ARHGAP40: variants seen among roughly 807,000 people sequenced by gnomAD.
ARHGAP40 encodes Rho GTPase activating protein 40.
ARHGAP40 carries 43 observed loss-of-function variants against 73.5 expected under a neutral mutation model. That is an observed-to-expected ratio of 0.58 (90% CI 0.46 to 0.75). ARHGAP40 has a LOEUF of 0.75. Among genes scored for constraint, ARHGAP40 ranks in the 30% least tolerant of loss-of-function variants. ARHGAP40 has a pLI of 0.00. For missense variants in ARHGAP40, 734 were observed against 861.8 expected, an observed-to-expected ratio of 0.85 and a Z score of 1.86; for synonymous variants, 300 against 352.8, an observed-to-expected ratio of 0.85 and a Z score of 1.68.
rs565841419 is a variant in ARHGAP40 at position 38,629,782 on chromosome 20, G to C, written c.783+132G>C. 1.3e-5 allele frequency: 13 copies of C among 1,031,034 alleles called. No homozygotes were observed. The African/African-American group carries it at 2.0e-4, about 16-fold the overall frequency. 63.9% of individuals were successfully genotyped at this position (1,031,034 alleles called of 1,614,324 possible). ...GTTAATTCATTCATTCATTTAATTC[G>C]TACCACAAATATTTACTGAGTGACC... is the stretch of plus-strand genomic sequence containing the variant. On this transcript the variant is annotated intron_variant, in intron 5 of 14. Coordinates refer to ENST00000373345, the Ensembl canonical transcript of ARHGAP40.
At chr20:38,607,883 G>A (rs775994464) in intron 1 of ARHGAP40, among the ~76,000 whole-genome samples, 1 of 152,136 alleles carries the variant, frequency 6.6e-6, no homozygotes, top group African/African-American at 2.4e-5. Context: ...TTTATCTCCT[G>A]TGACTTGTGG....
chr20:38,606,286 C>T (rs1270956394), intron 1 of ARHGAP40, among the ~76,000 whole-genome samples: 1 of 152,196 alleles, frequency 6.6e-6, no homozygotes, highest in Non-Finnish European at 1.5e-5. Flanking sequence ...CTATTATAAA[C>T]TATACTGCAA....
chr20:38,644,168 C>T (rs547608100), intron 11 of ARHGAP40, among the ~76,000 whole-genome samples: 9 of 152,242 alleles, frequency 5.9e-5, no homozygotes, highest in Middle Eastern at 3.4e-3. Context: ...AGGAGTTCCC[C>T]CAACTCCTGC....
intron 13 of ARHGAP40, among the ~76,000 whole-genome samples, chr20:38,647,777 AC>A (rs1374080569): frequency 6.6e-6 from 1 of 152,226 alleles, no homozygotes; most frequent in Non-Finnish European, 1.5e-5. Context: ...CCTGAGGAAG[AC>A]CTGGATATAA....
At chr20:38,607,160 G>C (rs1251966827) in intron 1 of ARHGAP40, among the ~76,000 whole-genome samples, 1 of 152,186 alleles carries the variant, frequency 6.6e-6, no homozygotes, top group Non-Finnish European at 1.5e-5. Flanking sequence ...AATAGCACAG[G>C]CTTGTTTTCA....
chr20:38,604,302 T>C (rs2088758066), intron 1 of ARHGAP40, among the ~76,000 whole-genome samples: 1 of 152,114 alleles, frequency 6.6e-6, no homozygotes, highest in South Asian at 2.1e-4. Flanking sequence ...AATGAACAGA[T>C]GAAAAATACT....
At chr20:38,624,273 T>C (rs576135026) in intron 2 of ARHGAP40, among the ~76,000 whole-genome samples, 2 of 152,256 alleles carry the variant, frequency 1.3e-5, no homozygotes, top group South Asian at 2.1e-4. Context: ...ACATGTGGCC[T>C]GGGCTTCCTC....
chr20:38,606,082 A>G (rs2088769273), intron 1 of ARHGAP40, among the ~76,000 whole-genome samples: 1 of 152,040 alleles, frequency 6.6e-6, no homozygotes, highest in African/African-American at 2.4e-5. Context: ...GCTTGTCTCA[A>G]ACTCCTGGAC....
At chr20:38,618,551 G>T (rs909145893) in intron 1 of ARHGAP40, among the ~76,000 whole-genome samples, 1 of 152,194 alleles carries the variant, frequency 6.6e-6, no homozygotes, top group Non-Finnish European at 1.5e-5. Context: ...GCTCCATGAT[G>T]TCTGGGGTAT....
chr20:38,626,900 C>T, intron 2 of ARHGAP40, 95 bp from the exon 3 acceptor site: 2 of 971,450 alleles, frequency 2.1e-6, no homozygotes, highest in Non-Finnish European at 1.4e-6. Flanking sequence ...CTCCTGTGTC[C>T]AGGTGAGTGT....
intron 9 of ARHGAP40, among the ~76,000 whole-genome samples, chr20:38,639,833 T>C (rs1409351592): frequency 6.6e-6 from 1 of 152,272 alleles, no homozygotes; most frequent in Non-Finnish European, 1.5e-5. Flanking sequence ...ATAGTCTGCA[T>C]ATATATGTTC....
At chr20:38,614,146 C>T (rs1421020962) in intron 1 of ARHGAP40, among the ~76,000 whole-genome samples, 1 of 152,080 alleles carries the variant, frequency 6.6e-6, no homozygotes, top group Admixed American at 6.6e-5. Flanking sequence ...CAGAGGGGCA[C>T]CATTTACGTA....
exon 1 of ARHGAP40, chr20:38,601,882 G>C: frequency 1.6e-6 from 2 of 1,284,956 alleles, no homozygotes; most frequent in Non-Finnish European, 2.0e-6. Context: ...TCACATTGCC[G>C]ATCGAGTCAG....
At chr20:38,647,461 G>A (rs989093590) in intron 13 of ARHGAP40, among the ~76,000 whole-genome samples, 4 of 152,138 alleles carry the variant, frequency 2.6e-5, no homozygotes, top group Non-Finnish European at 5.9e-5. Context: ...CTCGATCTTG[G>A]CTCACTGCAA....
exon 10 of ARHGAP40, chr20:38,641,736 C>T: frequency 7.7e-7 from 1 of 1,296,190 alleles, no homozygotes; most frequent in Non-Finnish European, 1.0e-6. Context: ...ACATCCCCAA[C>T]CTGAAGCAGC....
At chr20:38,604,540 C>G (rs143169090) in intron 1 of ARHGAP40, among the ~76,000 whole-genome samples, 1 of 151,900 alleles carries the variant, frequency 6.6e-6, no homozygotes, top group East Asian at 1.9e-4. Context: ...GGATTACAGG[C>G]GTGCGCCACC....
chr20:38,607,238 TC>T (rs1426812203), intron 1 of ARHGAP40, among the ~76,000 whole-genome samples: 8 of 152,174 alleles, frequency 5.3e-5, no homozygotes, highest in Non-Finnish European at 1.2e-4. Flanking sequence ...GAGTCCTAAA[TC>T]CTCCACTCAT....
intron 1 of ARHGAP40, among the ~76,000 whole-genome samples, chr20:38,622,663 A>C (rs1485224960): frequency 6.6e-6 from 1 of 152,094 alleles, no homozygotes; most frequent in East Asian, 1.9e-4. Flanking sequence ...GGACCTGGAA[A>C]ATCAAGCTTA....
rs141546552 is a variant in ARHGAP40, at chr20:38,639,941, G to A, written c.1279+555G>A. 1.1e-4 allele frequency among the ~76,000 whole-genome samples: 17 copies of A among 152,256 alleles called. No homozygotes were observed. In the East Asian group the frequency reaches 1.4e-3, roughly 12 times the overall value. On this transcript the variant is annotated intron_variant, in intron 9 of 14. Coordinates refer to ENST00000373345, the Ensembl canonical transcript of ARHGAP40. ...CTCTCCTGAGATCTCACTCACAACC[G>A]TGAGGTTCTCCCTGTCTCTCTGAAT...
Sources: allele counts gnomAD v4.1 joint callset (sites outside exome capture counted in the v4.1 genomes callset), GRCh38; gene constraint gnomAD v4.1.1; transcripts MANE v1.5; gene names NCBI Gene and HGNC (gene_info 2026-07-23, HGNC 2026-07-21).